Variants in GIN1 observed in about 807,000 individuals in gnomAD.
GIN1 encodes the protein gypsy retrotransposon integrase 1.
Under a neutral mutation model 51.4 loss-of-function variants are expected in GIN1, and 41 were observed. The ratio of observed to expected loss-of-function variants is 0.80; its 90% CI spans 0.62 to 1.04. GIN1 has a LOEUF of 1.04. Among genes scored for constraint, GIN1 ranks in the 50% least tolerant of loss-of-function variants. The pLI, the probability that GIN1 is intolerant of heterozygous loss-of-function variation, is 0.00. For missense variants in GIN1, 610 were observed against 612.4 expected (o/e 1.00, Z 0.04); for synonymous variants, 222 against 206.5 (o/e 1.07, Z -0.64).
intron 4 of GIN1, among the ~76,000 whole-genome samples, chr5:103,103,377 A>T (rs1554195961): frequency 6.6e-6 from 1 of 152,226 alleles, no homozygotes; most frequent in Non-Finnish European, 1.5e-5. Flanking sequence ...AGCCATGAGT[A>T]TGACTATATG....
chr5:103,108,424 T>C (rs1365381804), intron 2 of GIN1, 145 bp downstream of exon 2: 1 of 588,982 alleles, frequency 1.7e-6, no homozygotes, highest in Non-Finnish European at 3.0e-6. Context: ...TAATTTTTAT[T>C]TTGCTTTTGA....
At chr5:103,095,617 C>T (rs1462314834) in intron 7 of GIN1, among the ~76,000 whole-genome samples, 2 of 152,138 alleles carry the variant, frequency 1.3e-5, no homozygotes, top group African/African-American at 2.4e-5. Context: ...AAAAGAGGCA[C>T]GAAGTGACTA....
At chr5:103,112,274 T>C (rs1272395093) in intron 1 of GIN1, among the ~76,000 whole-genome samples, 3 of 151,910 alleles carry the variant, frequency 2.0e-5, no homozygotes, top group South Asian at 4.1e-4. Flanking sequence ...CTTTCACAAG[T>C]GTATTATTTT....
intron 1 of GIN1, among the ~76,000 whole-genome samples, chr5:103,117,905 CT>C (rs1302346640): frequency 6.6e-6 from 1 of 152,136 alleles, no homozygotes; most frequent in Non-Finnish European, 1.5e-5. Context: ...CTTTTCCCCC[CT>C]GCTATACCAG....
chr5:103,095,895 G>A (rs1240372267), intron 7 of GIN1, among the ~76,000 whole-genome samples: 4 of 152,156 alleles, frequency 2.6e-5, no homozygotes, highest in African/African-American at 9.7e-5. Flanking sequence ...CTACACTCCA[G>A]CCTGGGGGAC....
chr5:103,097,305 T>C lies in GIN1; in HGVS notation c.1008+9A>G, dbSNP rs1173947197. The C allele has an allele frequency of 2.6e-6, 4 of 1,516,032 alleles. No homozygotes were observed. Among genetic ancestry groups the C allele is most frequent in the Non-Finnish European group, 2.7e-6 (3 of 1,101,932 alleles). 93.9% of individuals were successfully genotyped at this position (1,516,032 alleles called of 1,614,324 possible). Reference sequence around the variant, plus strand: ...TTTAGATTACAGTTTTTCTATTGAATAGAATCACCTGGCCCAGTGAAGTTG... The same window carrying C: ...TTTAGATTACAGTTTTTCTATTGAACAGAATCACCTGGCCCAGTGAAGTTG... On this transcript the variant is annotated intron_variant, in intron 6 of 7. Coordinates refer to ENST00000399004, the MANE Select transcript of GIN1 (RefSeq NM_017676.2).
At chr5:103,092,683 A>C (rs1329708986) in intron 7 of GIN1, among the ~76,000 whole-genome samples, 1 of 69,602 alleles carries the variant, frequency 1.4e-5, no homozygotes, top group Admixed American at 1.9e-4. Context: ...ACAATGGCTC[A>C]CACTTGTAAT....
intron 7 of GIN1, among the ~76,000 whole-genome samples, chr5:103,092,984 GAA>G (rs75470529): frequency 8.7e-6 from 1 of 114,948 alleles, no homozygotes. Context: ...AAAAGAGAAA[GAA>G]AAAAAAAAGA....
intron 3 of GIN1, 37 bp downstream of exon 3, chr5:103,106,679 G>C (rs781806786): frequency 5.3e-5 from 62 of 1,172,378 alleles, no homozygotes; most frequent in Non-Finnish European, 7.2e-5. Context: ...CTATCAGAAA[G>C]ACATTATTCA....
chr5:103,106,682 A>G (rs1554196290), intron 3 of GIN1, 34 bp downstream of exon 3: 1 of 1,198,214 alleles, frequency 8.3e-7, no homozygotes, highest in Middle Eastern at 1.9e-4. Context: ...TCAGAAAGAC[A>G]TTATTCATAA....
intron 1 of GIN1, among the ~76,000 whole-genome samples, chr5:103,112,313 T>TCAA (rs1160954): frequency 0.25 from 38,716 of 152,004 alleles, 5,468 homozygotes; most frequent in East Asian, 0.45. Flanking sequence ...TTGTCTTGGC[T>TCAA]CAACAGAACT....
chr5:103,101,210 A>C (rs782259183), intron 4 of GIN1, among the ~76,000 whole-genome samples: 1 of 152,200 alleles, frequency 6.6e-6, no homozygotes, highest in Non-Finnish European at 1.5e-5. Context: ...ACTACATTTG[A>C]TCTGATAACC....
chr5:103,101,340 C>G (rs1461442040), intron 4 of GIN1, among the ~76,000 whole-genome samples: 6 of 152,204 alleles, frequency 3.9e-5, no homozygotes, highest in Non-Finnish European at 2.9e-5. Context: ...GATTTTATCA[C>G]TATACGCAGA....
intron 7 of GIN1, among the ~76,000 whole-genome samples, chr5:103,095,427 T>C (rs908746216): frequency 1.1e-4 from 17 of 152,190 alleles, no homozygotes; most frequent in African/African-American, 4.1e-4. Flanking sequence ...CAGCACCTTA[T>C]AGCATTCTGA....
At chr5:103,100,407 T>TTA (rs1562329803) in intron 4 of GIN1, among the ~76,000 whole-genome samples, 30 of 149,572 alleles carry the variant, frequency 2.0e-4, no homozygotes, top group East Asian at 1.4e-3. Context: ...TATTATTATT[T>TTA]TTTTGAGACA....
chr5:103,108,804 A>G (rs1787797639), intron 1 of GIN1, 90 bp from the exon 2 acceptor site: 3 of 811,800 alleles, frequency 3.7e-6, no homozygotes, highest in Non-Finnish European at 5.9e-6. Flanking sequence ...TTCTATTTAC[A>G]TATGAACCGA....
chr5:103,104,178 C>G (rs1250434946), intron 4 of GIN1, among the ~76,000 whole-genome samples: 4 of 152,116 alleles, frequency 2.6e-5, no homozygotes, highest in African/African-American at 7.2e-5. Context: ...GTCTCGAACT[C>G]CTGAGCTCAA....
At chr5:103,106,938 T>G (rs782297856) in intron 2 of GIN1, 29 bp from the exon 3 acceptor site, 1 of 1,255,996 alleles carries the variant, frequency 8.0e-7, no homozygotes, top group Non-Finnish European at 1.1e-6. Context: ...AAAGATAGAA[T>G]TGCAATTTTT....
At chr5:103,105,817 T>C (rs1554196219) in intron 3 of GIN1, among the ~76,000 whole-genome samples, 1 of 152,242 alleles carries the variant, frequency 6.6e-6, no homozygotes, top group Non-Finnish European at 1.5e-5. Flanking sequence ...TGTTGGATTT[T>C]ATCACAAATA....
Sources: gnomAD v4.1 joint callset for allele counts (sites outside exome capture counted in the v4.1 genomes callset) on GRCh38, gnomAD v4.1.1 for gene constraint, MANE v1.5 for transcripts, NCBI Gene and HGNC (gene_info 2026-07-23, HGNC 2026-07-21) for gene names.